The following ITGA11 variants were observed in gnomAD, a reference collection of about 807,000 sequenced individuals.
ITGA11 encodes the protein integrin alpha-11.
A neutral mutation model predicts 141.9 loss-of-function variants in ITGA11; 97 were observed. That is an observed-to-expected ratio of 0.68 (90% confidence interval 0.58 to 0.81). ITGA11 has a LOEUF of 0.81. Among genes scored for constraint, ITGA11 ranks in the 30% least tolerant of loss-of-function variants. ITGA11 has a pLI of 0.00. For missense variants in ITGA11, 1,387 were observed against 1,559.2 expected, an observed-to-expected ratio of 0.89 and a Z score of 1.86; for synonymous variants, 658 against 624.6, an observed-to-expected ratio of 1.05 and a Z score of -0.80.
chr15:68,330,244 G>A (rs1281399860), intron 15 of ITGA11, among the ~76,000 whole-genome samples: 1 of 152,116 alleles, frequency 6.6e-6, no homozygotes, highest in Non-Finnish European at 1.5e-5. Context: ...TATTCTCCCT[G>A]TGAAGTTATA....
At position 68,327,797 on chromosome 15, in the gene ITGA11, T is replaced by G. The variant is rs537849820; in HGVS notation, c.2068+299A>C. On this transcript the variant is annotated intron_variant, in intron 16 of 29. Transcript: ENST00000315757. ...ACTTCTGGGCTTCCACACCCCACTTTTCTCCACTGGCATCAGTCCTGTGCT... is the reference window on the plus strand; with the variant it reads ...ACTTCTGGGCTTCCACACCCCACTTGTCTCCACTGGCATCAGTCCTGTGCT... Among the ~76,000 whole-genome samples the G allele has an allele frequency of 2.0e-3, 309 of 152,062 alleles. 1 individual carries two copies. The highest frequency in any genetic ancestry group is 3.4e-3 in the Middle Eastern group (1 of 294).
In ITGA11 at chr15:68,364,568, A is replaced by G. The variant is rs1895353874; in HGVS notation, c.357+139T>C. ...GGGGGAGCTGCTTCCTGGAATGCAC[A>G]GGGCCAGGCAGCTTGGTGGTTGGAG... On this transcript the variant is annotated intron_variant, in intron 4 of 29. Transcript: ENST00000315757. The G allele has an allele frequency of 4.2e-6, 3 of 714,894 alleles. 1 individual carries two copies. Among genetic ancestry groups the G allele is most frequent in the South Asian group, 3.4e-5 (2 of 58,446 alleles). 44.3% of individuals were successfully genotyped at this position (714,894 alleles called of 1,614,324 possible). A position where few individuals can be genotyped will look rare whatever the true frequency, so the allele number is the denominator to read the frequency against.
chr15:68,373,488 C>T (rs1895648265), intron 2 of ITGA11, among the ~76,000 whole-genome samples: 1 of 152,140 alleles, frequency 6.6e-6, no homozygotes, highest in South Asian at 2.1e-4. Flanking sequence ...ATGGAGTGAC[C>T]CAGCTTCCAT....
chr15:68,315,058 GAGAC>G (rs539317708), intron 22 of ITGA11, among the ~76,000 whole-genome samples: 38 of 152,290 alleles, frequency 2.5e-4, no homozygotes, highest in South Asian at 6.2e-4. Context: ...AGAGGCCTGG[GAGAC>G]AGACAGACAG....
At chr15:68,426,237 A>G (rs1233542862) in intron 1 of ITGA11, among the ~76,000 whole-genome samples, 1 of 152,192 alleles carries the variant, frequency 6.6e-6, no homozygotes, top group Non-Finnish European at 1.5e-5. Context: ...AGAACACATC[A>G]CGTTGTCATC....
Position 68,432,125 on chromosome 15 carries a change from A to AGCGGCAGCCTCCTCGGC in ITGA11, c.-76_-60dup. 1 of 1,266,802 alleles carries AGCGGCAGCCTCCTCGGC rather than the reference A, an allele frequency of 7.9e-7. No individual in the cohort carries two copies. The highest frequency in any genetic ancestry group is 1.0e-6 in the Non-Finnish European group (1 of 986,256). The allele number at this position is 1,266,802 out of a possible 1,614,324, so 78.5% of individuals were successfully genotyped here. A position where few individuals can be genotyped will look rare whatever the true frequency, so the allele number is the denominator to read the frequency against. On this transcript the variant is annotated 5_prime_UTR_variant, in exon 1 of 30. Transcript: ENST00000315757. ...GCGGCGGCGGGGGGCGGCAAGCCAG[A>AGCGGCAGCCTCCTCGGC]GCGGCAGCCTCCTCGGCGCGGCGCC...
At position 68,303,749 on chromosome 15, in the gene ITGA11, C is replaced by T. The variant is rs1893102195; in HGVS notation, c.3495+23G>A. On this transcript the variant is annotated intron_variant, in intron 29 of 29. Transcript: ENST00000315757. This position sits in a 1 kb window ranked among gnomAD's most constrained non-coding sequence, Gnocchi z 5.3. ...CCCACCAGCCAGGATGCTGCTCCTT[C>T]CCTCCCCTGCCAGGGCCCTCACCTT... 6.5e-6 allele frequency: 10 copies of T among 1,536,744 alleles called. No individual in the cohort carries two copies. The Admixed American group carries it at 1.2e-4, about 18-fold the overall frequency.
Position 68,326,639 on chromosome 15 carries a change from G to A in ITGA11, c.2211+15C>T. 1 of 1,580,052 alleles carries A rather than the reference G, an allele frequency of 6.3e-7. No individual in the cohort carries two copies. On this transcript the variant is annotated intron_variant, in intron 17 of 29. Coordinates refer to ENST00000315757, the MANE Select transcript of ITGA11 (RefSeq NM_001004439.2). The surrounding 1 kb of genome is among the most constrained non-coding windows in gnomAD (Gnocchi z 6.8). ...TATAGGAGCTTGGGCTCTGCTGGTG[G>A]GGCTGCCAGCTTACCAGGACATGGA...
At chr15:68,342,404 T>C (rs1894599199) in intron 10 of ITGA11, among the ~76,000 whole-genome samples, 1 of 152,176 alleles carries the variant, frequency 6.6e-6, no homozygotes, top group South Asian at 2.1e-4. Context: ...TGGCGTTCTG[T>C]GTAGACATGA....
At position 68,350,618 on chromosome 15, in the gene ITGA11, T is replaced by C. The variant is rs367691033; in HGVS notation, c.1059A>G (p.Glu353=). The C allele has an allele frequency of 8.1e-6, 13 of 1,612,860 alleles. No homozygotes were observed. The highest frequency in any genetic ancestry group is 1.0e-5 in the Non-Finnish European group (12 of 1,179,244). Residue 353 remains glutamate (E), a splice_region_variant and synonymous_variant, in exon 9 of 30, where the codon GAA becomes GAG. Coordinates refer to ENST00000315757, the MANE Select transcript of ITGA11 (RefSeq NM_001004439.2). Reference sequence around the variant, plus strand: ...CCCCTCTTAGCATGCATTGCTTACCTTCCAGGCTGAAGATTCTGTCCCCCA... The same window carrying C: ...CCCCTCTTAGCATGCATTGCTTACCCTCCAGGCTGAAGATTCTGTCCCCCA... ...DALGDRIFSL[E]GTNKNETSFG...
rs1396680015 is a variant in ITGA11, at chr15:68,333,682, C to T, written c.1426-1204G>A. Among the ~76,000 whole-genome samples the T allele has an allele frequency of 6.6e-6, 1 of 152,220 alleles. No individual in the cohort carries two copies. Among genetic ancestry groups the T allele is most frequent in the Non-Finnish European group, 1.5e-5 (1 of 68,032 alleles). On this transcript the variant is annotated intron_variant, in intron 12 of 29. Coordinates refer to ENST00000315757, the MANE Select transcript of ITGA11 (RefSeq NM_001004439.2). The surrounding 1 kb of genome is among the most constrained non-coding windows in gnomAD (Gnocchi z 4.2). ...GTGAGGCGCCTTCTAAAGGGCCTTC[C>T]AGCCTCAGGCTGGCCCCTTCAGCCC... is the stretch of plus-strand genomic sequence containing the variant.
intron 10 of ITGA11, among the ~76,000 whole-genome samples, chr15:68,346,927 G>A (rs892238718): frequency 2.4e-4 from 36 of 152,158 alleles, no homozygotes; most frequent in Admixed American, 2.1e-3. Flanking sequence ...GGGGCCTCCA[G>A]GTATTGTACA....
At chr15:68,427,872 G>A (rs1190765590) in intron 1 of ITGA11, among the ~76,000 whole-genome samples, 1 of 152,172 alleles carries the variant, frequency 6.6e-6, no homozygotes, top group Non-Finnish European at 1.5e-5. Context: ...AGTTCCAAAT[G>A]GCTATGAATC....
At chr15:68,424,190 G>A (rs960144516) in intron 1 of ITGA11, among the ~76,000 whole-genome samples, 1 of 152,192 alleles carries the variant, frequency 6.6e-6, no homozygotes, top group African/African-American at 2.4e-5. Flanking sequence ...GCTCCAATCT[G>A]CAAAGTCCAC....
At chr15:68,414,668 C>T (rs1896848012) in intron 1 of ITGA11, among the ~76,000 whole-genome samples, 1 of 152,170 alleles carries the variant, frequency 6.6e-6, no homozygotes, top group Non-Finnish European at 1.5e-5. Context: ...AGGGGAGGAG[C>T]AGGCAGACTG....
At chr15:68,343,430 T>C (rs887273440) in intron 10 of ITGA11, among the ~76,000 whole-genome samples, 6 of 152,240 alleles carry the variant, frequency 3.9e-5, no homozygotes, top group Non-Finnish European at 8.8e-5. Flanking sequence ...ACAAATATTC[T>C]TCAGACATCT....
At chr15:68,314,786 G>A (rs1453667370) in intron 22 of ITGA11, among the ~76,000 whole-genome samples, 1 of 152,228 alleles carries the variant, frequency 6.6e-6, no homozygotes, top group African/African-American at 2.4e-5. Context: ...TTTAACTGTA[G>A]CTGGGACGCG....
At chr15:68,403,789 T>G (rs1322629329) in intron 1 of ITGA11, among the ~76,000 whole-genome samples, 5 of 152,088 alleles carry the variant, frequency 3.3e-5, no homozygotes, top group African/African-American at 9.7e-5. Flanking sequence ...GACATACCAC[T>G]GTGCCTGGTC....
In ITGA11 at chr15:68,367,380, T is replaced by A. The variant is rs548155121; in HGVS notation, c.265+1804A>T. Among the ~76,000 whole-genome samples the A allele has an allele frequency of 2.0e-5, 3 of 152,264 alleles. No homozygotes were observed. In the East Asian group the frequency reaches 5.8e-4, roughly 29 times the overall value. Reference sequence around the variant, plus strand: ...TCTGTCCCAACCACATGGCCTTTCTTTATCTTCTCCAACAGGGCAGACTTG... The same window carrying A: ...TCTGTCCCAACCACATGGCCTTTCTATATCTTCTCCAACAGGGCAGACTTG... On this transcript the variant is annotated intron_variant, in intron 3 of 29. Coordinates refer to ENST00000315757, the MANE Select transcript of ITGA11 (RefSeq NM_001004439.2).
Sources: gnomAD v4.1 joint callset for allele counts (sites outside exome capture counted in the v4.1 genomes callset) on GRCh38, gnomAD v4.1.1 for gene constraint, Gnocchi (gnomAD v3.1) non-coding constraint, MANE v1.5 for transcripts, NCBI Gene and HGNC (gene_info 2026-07-23, HGNC 2026-07-21) for gene names.